Variants in SLC4A10 observed in about 807,000 individuals in gnomAD.
SLC4A10 encodes the protein solute carrier family 4 member 10, also known as sodium-driven chloride bicarbonate exchanger.
SLC4A10 carries 42 observed loss-of-function variants against 137.7 expected under a neutral mutation model. The ratio of observed to expected loss-of-function variants is 0.30; its 90% confidence interval spans 0.24 to 0.39. SLC4A10 has a LOEUF of 0.39. Ranked by LOEUF, SLC4A10 falls within the 10% of genes least tolerant of loss-of-function variation. SLC4A10 has a pLI of 1.00. For missense variants in SLC4A10, 925 were observed against 1,355.0 expected (o/e 0.68, Z 4.98); for synonymous variants, 474 against 464.1 (o/e 1.02, Z -0.27).
chr2:161,965,001 T>G (rs1244847031), intron 22 of SLC4A10, 50 bp from the exon 23 acceptor site: 1 of 1,566,008 alleles, frequency 6.4e-7, no homozygotes, highest in East Asian at 2.3e-5. Context: ...AATCTACACC[T>G]CTCGTTTTAA....
intron 11 of SLC4A10, among the ~76,000 whole-genome samples, chr2:161,896,291 G>A (rs2063499060): frequency 6.6e-6 from 1 of 151,850 alleles, no homozygotes; most frequent in Non-Finnish European, 1.5e-5. Context: ...TTTGGTACCA[G>A]TACCATGCTG....
At chr2:161,727,991 G>C (rs2046409394) in intron 1 of SLC4A10, among the ~76,000 whole-genome samples, 1 of 152,030 alleles carries the variant, frequency 6.6e-6, no homozygotes, top group Non-Finnish European at 1.5e-5. Flanking sequence ...CTGAGAAAAA[G>C]AACTGACAAA....
intron 2 of SLC4A10, among the ~76,000 whole-genome samples, chr2:161,774,528 C>T (rs778388584): frequency 1.1e-4 from 17 of 151,916 alleles, no homozygotes; most frequent in South Asian, 2.1e-4. Context: ...CTTATACCTA[C>T]GTTCCTCCCC....
Position 161,860,993 on chromosome 2 carries a change from T to C in SLC4A10, c.578-1881T>C, listed in dbSNP as rs554453817. On this transcript the variant is annotated intron_variant, in intron 5 of 26. Coordinates refer to ENST00000446997, the MANE Select transcript of SLC4A10 (RefSeq NM_001178015.2). The stretch of plus-strand genomic sequence containing the variant: ...TTTCAGCATCCTTAAAAAAGTTTCA[T>C]TGGAGCATAACCAGGCTCATTTGTG... Among the ~76,000 whole-genome samples the C allele has an allele frequency of 9.6e-4, 146 of 152,336 alleles. 1 individual carries two copies. The highest frequency in any genetic ancestry group is 1.4e-3 in the South Asian group (7 of 4,828).
At chr2:161,886,136 A>T (rs569674480) in intron 10 of SLC4A10, among the ~76,000 whole-genome samples, 1 of 152,306 alleles carries the variant, frequency 6.6e-6, no homozygotes, top group East Asian at 1.9e-4. Flanking sequence ...AAGCCATTAC[A>T]TATTAACATA....
rs1245696506 is a variant in SLC4A10, at chr2:161,640,593, T to TTTCCTTCC, written c.48+16087_48+16094dup. Among the ~76,000 whole-genome samples the TTTCCTTCC allele has an allele frequency of 2.7e-3, 324 of 119,286 alleles. 7 individuals carry two copies. Among genetic ancestry groups the TTTCCTTCC allele is most frequent in the East Asian group, 3.7e-3 (16 of 4,298 alleles). The allele number at this position is 119,286 out of a possible 152,430, so 78.3% of individuals were successfully genotyped here. On this transcript the variant is annotated intron_variant, in intron 1 of 26. Coordinates refer to ENST00000446997, the MANE Select transcript of SLC4A10 (RefSeq NM_001178015.2). ...CTCTATGAAGTAAGCTTTCTCTTTCTTTCCTTCCTTCCTTCCTTCCTTCCT... is the reference window on the plus strand; with the variant it reads ...CTCTATGAAGTAAGCTTTCTCTTTCTTTCCTTCCTTCCTTCCTTCCTTCCTTCCTTCCT...
At chr2:161,646,710 C>T (rs1445610685) in intron 1 of SLC4A10, among the ~76,000 whole-genome samples, 1 of 151,980 alleles carries the variant, frequency 6.6e-6, no homozygotes, top group African/African-American at 2.4e-5. Context: ...TGATAATACT[C>T]TAAGATTATA....
At chr2:161,835,272 T>C (rs1236021916) in intron 3 of SLC4A10, among the ~76,000 whole-genome samples, 2 of 151,990 alleles carry the variant, frequency 1.3e-5, no homozygotes, top group African/African-American at 4.8e-5. Context: ...CTCCTGACCT[T>C]GTGATCCGTC....
At chr2:161,841,416 A>G (rs2059174635) in intron 4 of SLC4A10, among the ~76,000 whole-genome samples, 1 of 152,052 alleles carries the variant, frequency 6.6e-6, no homozygotes, top group South Asian at 2.1e-4. Context: ...TATCTCTTCC[A>G]CTGTAGGACA....
intron 4 of SLC4A10, among the ~76,000 whole-genome samples, chr2:161,852,729 G>A (rs9636286): frequency 1.3e-5 from 2 of 152,200 alleles, no homozygotes; most frequent in East Asian, 3.9e-4. Flanking sequence ...CTATATTATG[G>A]TGGGAAATGG....
At chr2:161,909,925 A>G (rs973246674) in intron 15 of SLC4A10, among the ~76,000 whole-genome samples, 2 of 152,148 alleles carry the variant, frequency 1.3e-5, no homozygotes, top group Non-Finnish European at 2.9e-5. Flanking sequence ...GTCATTTATA[A>G]CAATGTCCAC....
chr2:161,917,232 A>C (rs1443091261), intron 15 of SLC4A10, among the ~76,000 whole-genome samples: 1 of 152,146 alleles, frequency 6.6e-6, no homozygotes, highest in Non-Finnish European at 1.5e-5. Flanking sequence ...GTGTTCTACT[A>C]TATGGATGTT....
intron 20 of SLC4A10, 123 bp from the exon 21 acceptor site, chr2:161,958,364 G>A (rs944106879): frequency 8.5e-6 from 6 of 704,588 alleles, no homozygotes; most frequent in Non-Finnish European, 1.4e-5. Flanking sequence ...CTTGTCTTCT[G>A]AATCTGTACT....
At chr2:161,933,789 G>A (rs1049710026) in intron 15 of SLC4A10, among the ~76,000 whole-genome samples, 3 of 152,096 alleles carry the variant, frequency 2.0e-5, no homozygotes, top group African/African-American at 7.2e-5. Context: ...CAGTGAACAT[G>A]GGAATGCAGA....
At position 161,904,239 on chromosome 2, in the gene SLC4A10, G is replaced by A. The variant is rs146424740; in HGVS notation, c.1617+61G>A. On this transcript the variant is annotated intron_variant, in intron 13 of 26. Transcript: ENST00000446997. ...AATCCATTTTTAAGATTCATAGTTA[G>A]ATAAGTGAGCATTTAATTTTGGATT... The A allele has an allele frequency of 2.0e-5, 30 of 1,484,832 alleles. No homozygotes were observed. In the East Asian group the frequency reaches 3.6e-4, roughly 18 times the overall value. The allele number at this position is 1,484,832 out of a possible 1,614,324, so 92.0% of individuals were successfully genotyped here. A position where few individuals can be genotyped will look rare whatever the true frequency, so the allele number is the denominator to read the frequency against.
intron 8 of SLC4A10, 28 bp downstream of exon 8, chr2:161,874,033 A>G (rs770949129): frequency 6.4e-7 from 1 of 1,560,024 alleles, no homozygotes; most frequent in South Asian, 1.2e-5. Context: ...CTCTATTTCT[A>G]CAGTGGTTCA....
chr2:161,941,575 G>C (rs964804893), intron 15 of SLC4A10, among the ~76,000 whole-genome samples: 4 of 151,910 alleles, frequency 2.6e-5, no homozygotes, highest in Non-Finnish European at 5.9e-5. Flanking sequence ...GGACATGAAG[G>C]GACTCAGCAT....
At chr2:161,780,205 T>G (rs1160336544) in intron 2 of SLC4A10, among the ~76,000 whole-genome samples, 1 of 152,056 alleles carries the variant, frequency 6.6e-6, no homozygotes, top group Non-Finnish European at 1.5e-5. Flanking sequence ...AAATATGTAT[T>G]TATTATGTAA....
intron 1 of SLC4A10, among the ~76,000 whole-genome samples, chr2:161,732,237 T>C (rs1309189374): frequency 1.3e-5 from 2 of 152,126 alleles, no homozygotes; most frequent in Non-Finnish European, 2.9e-5. Context: ...TCCCCAGAGG[T>C]TGGGGGGTGG....
Sources: gnomAD v4.1 joint callset for allele counts (sites outside exome capture counted in the v4.1 genomes callset) on GRCh38, gnomAD v4.1.1 for gene constraint, MANE v1.5 for transcripts, NCBI Gene and HGNC (gene_info 2026-07-23, HGNC 2026-07-21) for gene names.